Variants in CEP126 observed in about 807,000 individuals in gnomAD.
CEP126 encodes the protein centrosomal protein of 126 kDa.
A neutral mutation model predicts 107.8 loss-of-function variants in CEP126; 74 were observed. The observed-to-expected ratio is 0.69, with a 90% confidence interval of 0.57 to 0.83. The LOEUF (loss-of-function observed/expected upper bound fraction) is 0.83, where lower values mean the gene tolerates loss of function less well. Ranked by LOEUF, CEP126 falls within the 40% of genes least tolerant of loss-of-function variation. CEP126 has a pLI of 0.00. For missense variants in CEP126, 1,237 were observed against 1,281.9 expected (o/e 0.96, Z 0.53); for synonymous variants, 449 against 446.0 (o/e 1.01, Z -0.08).
chr11:101,934,469 G>A (rs1470613626), intron 2 of CEP126, among the ~76,000 whole-genome samples: 2 of 151,786 alleles, frequency 1.3e-5, no homozygotes, highest in Non-Finnish European at 2.9e-5. Context: ...ACAGTTCTAA[G>A]ACCCCACCAG....
rs1305140668 is a variant in CEP126 at position 101,915,387 on chromosome 11, G to A, written c.103G>A (p.Gly35Arg). 2 of 1,613,494 alleles carry A rather than the reference G, an allele frequency of 1.2e-6. No individual in the cohort carries two copies. The highest frequency in any genetic ancestry group is 1.1e-5 in the South Asian group (1 of 91,066). Reference sequence around the variant, plus strand: ...CCCCCTCGGCCCTCGGGAGAGCGGCGGGCATCACCGACCTGGCTCTTACCT... The same window carrying A: ...CCCCCTCGGCCCTCGGGAGAGCGGCAGGCATCACCGACCTGGCTCTTACCT... ...RAPLGPRESG[G>R]HHRPGSYLDM... Residue 35 changes from glycine to arginine, a missense_variant, in exon 1 of 11, where the codon GGG becomes AGG. Physicochemically the swap from Gly to Arg is moderately radical, Grantham distance 125. This residue lies in a region of CEP126 where 1,134 missense variants were observed against 1,150.5 expected (regional missense o/e 0.99). Coordinates refer to ENST00000263468, the MANE Select transcript of CEP126 (RefSeq NM_020802.4).
intron 2 of CEP126, 69 bp from the exon 3 acceptor site, chr11:101,944,196 G>A: frequency 7.5e-7 from 1 of 1,331,906 alleles, no homozygotes; most frequent in Non-Finnish European, 1.0e-6. Flanking sequence ...TATAATAAAT[G>A]CGTCATTTTG....
chr11:101,982,221 A>T (rs544577256), intron 8 of CEP126, among the ~76,000 whole-genome samples: 1 of 152,360 alleles, frequency 6.6e-6, no homozygotes, highest in East Asian at 1.9e-4. Flanking sequence ...AATTAAAATT[A>T]CAGTAACTGA....
At chr11:101,986,389 G>C (rs898129780) in intron 8 of CEP126, among the ~76,000 whole-genome samples, 13 of 152,128 alleles carry the variant, frequency 8.5e-5, no homozygotes, top group Non-Finnish European at 1.3e-4. Context: ...AATTGGGTCT[G>C]TTTCTAGGCT....
intron 5 of CEP126, among the ~76,000 whole-genome samples, chr11:101,960,365 A>G (rs889768586): frequency 1.3e-5 from 2 of 152,200 alleles, no homozygotes; most frequent in Non-Finnish European, 2.9e-5. Context: ...TGTCATACTT[A>G]TATCTAGAAG....
intron 1 of CEP126, among the ~76,000 whole-genome samples, chr11:101,918,925 C>T (rs1445654545): frequency 3.3e-5 from 5 of 152,056 alleles, no homozygotes; most frequent in East Asian, 1.9e-4. Flanking sequence ...TGATACATCA[C>T]GGGTTGTTCT....
At chr11:101,935,382 T>A (rs375376139) in intron 2 of CEP126, among the ~76,000 whole-genome samples, 4 of 152,054 alleles carry the variant, frequency 2.6e-5, no homozygotes, top group African/African-American at 9.7e-5. Flanking sequence ...AATTGTTTGT[T>A]CTATGGTTAG....
chr11:101,963,539 A>G lies in CEP126; in HGVS notation c.2504A>G (p.His835Arg), dbSNP rs768887715. The change falls in exon 6 of 11, where the codon CAT becomes CGT. Residue 835 changes from histidine (H) to arginine (R), a missense_variant. Transcript: ENST00000263468. ...TPENPQNIITHNSFNSKHVLP... is the reference protein window; with the variant it reads ...TPENPQNIITRNSFNSKHVLP... Reference sequence around the variant, plus strand: ...GAAAATCCTCAAAACATTATTACACATAACTCTTTTAATTCAAAACATGTG... The same window carrying G: ...GAAAATCCTCAAAACATTATTACACGTAACTCTTTTAATTCAAAACATGTG... 3.3e-5 allele frequency: 54 copies of G among 1,614,044 alleles called. No homozygotes were observed. Among genetic ancestry groups the G allele is most frequent in the South Asian group, 6.6e-5 (6 of 91,078 alleles).
chr11:101,955,234 A>C (rs913413089), intron 4 of CEP126, among the ~76,000 whole-genome samples: 1 of 152,244 alleles, frequency 6.6e-6, no homozygotes. Context: ...TAAAAATATA[A>C]GAAGTAATTA....
chr11:101,925,397 G>A (rs922285515), intron 2 of CEP126, among the ~76,000 whole-genome samples: 13 of 152,074 alleles, frequency 8.5e-5, no homozygotes, highest in African/African-American at 3.1e-4. Context: ...AATTCAGTGA[G>A]CACAAATGAT....
At chr11:101,956,295 C>T (rs1940888477) in intron 4 of CEP126, 1 of 456,354 alleles carries the variant, frequency 2.2e-6, no homozygotes, top group South Asian at 1.5e-5. Flanking sequence ...CCTTTGGAAC[C>T]TCTCCCTGTT....
intron 6 of CEP126, among the ~76,000 whole-genome samples, chr11:101,973,969 T>C (rs1941162904): frequency 6.6e-6 from 1 of 152,190 alleles, no homozygotes; most frequent in African/African-American, 2.4e-5. Flanking sequence ...ATATGTGTTA[T>C]AATTATTTTC....
chr11:101,935,386 T>C (rs1322928977), intron 2 of CEP126, among the ~76,000 whole-genome samples: 10 of 152,076 alleles, frequency 6.6e-5, no homozygotes, highest in African/African-American at 2.4e-4. Context: ...GTTTGTTCTA[T>C]GGTTAGTCTT....
intron 3 of CEP126, among the ~76,000 whole-genome samples, chr11:101,945,842 G>A (rs564030213): frequency 6.6e-6 from 1 of 152,224 alleles, no homozygotes; most frequent in East Asian, 1.9e-4. Flanking sequence ...AAGGGAGTCT[G>A]AAAAATAGCT....
At chr11:101,992,488 GAGAA>G (rs762105996) in intron 9 of CEP126, among the ~76,000 whole-genome samples, 151 of 151,876 alleles carry the variant, frequency 9.9e-4, no homozygotes, top group Non-Finnish European at 1.8e-3. Context: ...ATTAAAAAAA[GAGAA>G]AGAAAGAAAA....
At chr11:101,991,908 C>T (rs1941388269) in intron 9 of CEP126, among the ~76,000 whole-genome samples, 1 of 152,030 alleles carries the variant, frequency 6.6e-6, no homozygotes, top group Non-Finnish European at 1.5e-5. Flanking sequence ...TGCATCCTTG[C>T]AATTAATATG....
At position 102,000,207 on chromosome 11, in the gene CEP126, A is replaced by C. The variant is rs1266102904; in HGVS notation, c.*2564A>C. On this transcript the variant is annotated 3_prime_UTR_variant, in exon 11 of 11. Transcript: ENST00000263468. The stretch of plus-strand genomic sequence containing the variant: ...ATGAATAAATAAAATAAAAATAAAA[A>C]TGTTACTTTTTAAAAAGTAACTTTT... 6.6e-6 allele frequency: 1 copy of C among 152,140 alleles called. No individual in the cohort carries two copies. Among genetic ancestry groups the C allele is most frequent in the Non-Finnish European group, 1.5e-5 (1 of 68,030 alleles). 9.4% of individuals were successfully genotyped at this position (152,140 alleles called of 1,614,324 possible). A position where few individuals can be genotyped will look rare whatever the true frequency, so the allele number is the denominator to read the frequency against.
At position 101,922,754 on chromosome 11, in the gene CEP126, G is replaced by GA; in HGVS notation, c.248dup (p.Ala84SerfsTer3). On this transcript the variant is annotated frameshift_variant, in exon 2 of 11. Transcript: ENST00000263468. LOFTEE classifies it high-confidence loss of function. ...AAATATTTTGTGGAGTCAAATCGGA[G>GA]AAAAAAGTAAGTAATTGCACTTTAT... The GA allele has an allele frequency of 3.7e-6, 6 of 1,610,264 alleles. No homozygotes were observed. The highest frequency in any genetic ancestry group is 5.1e-6 in the Non-Finnish European group (6 of 1,177,820).
chr11:101,922,822 C>T, intron 2 of CEP126, 62 bp downstream of exon 2: 4 of 1,372,378 alleles, frequency 2.9e-6, no homozygotes, highest in South Asian at 2.5e-5. Flanking sequence ...GTAATAGTTT[C>T]TCTACTTTGT....
Sources: gnomAD v4.1 joint callset for allele counts (sites outside exome capture counted in the v4.1 genomes callset) on GRCh38, gnomAD v4.1.1 for gene constraint, gnomAD v4.1.1 regional missense constraint, MANE v1.5 for transcripts, NCBI Gene and HGNC (gene_info 2026-07-23, HGNC 2026-07-21) for gene names.